Variants in GRID2IP observed in about 807,000 individuals in gnomAD.
The protein encoded by GRID2IP is Grid2 interacting protein.
In GRID2IP, 78 loss-of-function variants were observed where a neutral mutation model predicts 114.3. The ratio of observed to expected loss-of-function variants is 0.68; its 90% CI spans 0.57 to 0.82. GRID2IP has a LOEUF of 0.82. GRID2IP is among the 40% of genes least tolerant of loss of function. The probability of loss-of-function intolerance (pLI) is 0.00; values close to 1 mark genes in which losing one functional copy is unlikely to be tolerated. For missense variants in GRID2IP, 1,727 were observed against 1,678.5 expected (o/e 1.03, Z -0.51); for synonymous variants, 809 against 724.0 (o/e 1.12, Z -1.89).
chr7:6,531,130 G>A, intron 2 of GRID2IP: 1 of 524,316 alleles, frequency 1.9e-6, no homozygotes, highest in Non-Finnish European at 3.4e-6. Context: ...GGCGCGGCAG[G>A]TGCCGAAGGG....
At position 6,510,980 on chromosome 7, in the gene GRID2IP, T is replaced by A; in HGVS notation, c.1483A>T (p.Ser495Cys). ...SEPTPEPQPR[S>C]SLRASSMCRR... is the part of the protein sequence containing the mutation. ...CACATGGAGGAAGCCCGCAGGGAGC[T>A]CCGCGGCTGGGGCTCAGGCGTGGGC... Residue 495 changes from serine (S) to cysteine (C), a missense_variant, in exon 9 of 22, where the codon AGC (serine) becomes TGC (cysteine). By Grantham distance (112) the Ser-to-Cys change is moderately radical. Coordinates refer to ENST00000457091, the MANE Select transcript of GRID2IP (RefSeq NM_001145118.2). The A allele has an allele frequency of 6.5e-7, 1 of 1,542,384 alleles. No individual in the cohort carries two copies. The highest frequency in any genetic ancestry group is 8.8e-7 in the Non-Finnish European group (1 of 1,142,586).
chr7:6,539,819 T>G lies in GRID2IP; in HGVS notation c.483A>C (p.Ala161=). The G allele has an allele frequency of 6.4e-7, 1 of 1,551,184 alleles. No individual in the cohort carries two copies. Residue 161 remains alanine (A), a synonymous_variant, in exon 2 of 22, where the codon GCA becomes GCC. Transcript: ENST00000457091. ...GCTGCTCAGCTGCAAACTGCTTCAG[T>G]GCAGCGAACACCTGCTCCTTGGCAG... ...QPTAKEQVFA[A]LKQFAAEQRV... is the part of the protein sequence containing the mutation.
At chr7:6,530,203 C>T (rs191874415) in intron 2 of GRID2IP, among the ~76,000 whole-genome samples, 47 of 152,114 alleles carry the variant, frequency 3.1e-4, no homozygotes, top group Non-Finnish European at 5.4e-4. Flanking sequence ...CATGATCCGC[C>T]CGCCTCGGCC....
intron 8 of GRID2IP, 151 bp downstream of exon 8, chr7:6,514,224 G>T (rs768033404): frequency 3.1e-5 from 23 of 750,390 alleles, no homozygotes; most frequent in Non-Finnish European, 4.6e-5. Context: ...TTGCACTCCA[G>T]CCTGGGGCAC....
chr7:6,545,657 C>A (rs547226177), intron 1 of GRID2IP, among the ~76,000 whole-genome samples: 1 of 152,226 alleles, frequency 6.6e-6, no homozygotes, highest in African/African-American at 2.4e-5. Context: ...CTGTCTCCCC[C>A]ACCCAGGTGT....
At position 6,539,755 on chromosome 7, in the gene GRID2IP, G is replaced by A. The variant is rs913899095; in HGVS notation, c.547C>T (p.Pro183Ser). The part of the protein sequence containing the change: ...DLVWTLTLAL[P>S]REACGPLLDN... ...AGGAGTGGCCCGCAGGCCTCTCGGG[G>A]CAGCGCCAGGGTGAGAGTCCACACC... Residue 183 changes from proline (P) to serine (S), a missense_variant, in exon 2 of 22, where the codon CCC becomes TCC. Coordinates refer to ENST00000457091, the MANE Select transcript of GRID2IP (RefSeq NM_001145118.2). The A allele has an allele frequency of 3.9e-6, 6 of 1,549,872 alleles. No individual in the cohort carries two copies. In the African/African-American group the frequency reaches 6.9e-5, roughly 18 times the overall value.
At chr7:6,539,550 C>A (rs1036899459) in intron 2 of GRID2IP, among the ~76,000 whole-genome samples, 168 bp downstream of exon 2, 1 of 152,124 alleles carries the variant, frequency 6.6e-6, no homozygotes, top group Non-Finnish European at 1.5e-5. Context: ...GGGTCATTGG[C>A]CTACCCTTGT....
In GRID2IP at chr7:6,521,137, G is replaced by C. The variant is rs1203904145; in HGVS notation, c.1084+292C>G. 6.6e-6 allele frequency among the ~76,000 whole-genome samples: 1 copy of C among 152,052 alleles called. No individual in the cohort carries two copies. The highest frequency in any genetic ancestry group is 2.4e-5 in the African/African-American group (1 of 41,412). On this transcript the variant is annotated intron_variant, in intron 6 of 21. Transcript: ENST00000457091. This position sits in a 1 kb window ranked among gnomAD's most constrained non-coding sequence, Gnocchi z 4.1. The stretch of plus-strand genomic sequence containing the variant: ...AGGCACGTGCCATCACGCCCAGCTA[G>C]TTTTTGTATTTTTAGTAGAGACAGA...
At chr7:6,527,760 A>ATTTT (rs111974045) in intron 2 of GRID2IP, among the ~76,000 whole-genome samples, 2 of 142,280 alleles carry the variant, frequency 1.4e-5, no homozygotes, top group Non-Finnish European at 3.0e-5. Context: ...CACCAGGCTA[A>ATTTT]TTTTTTTTTT....
Position 6,551,033 on chromosome 7 carries a change from C to G in GRID2IP, c.404G>C (p.Arg135Pro), listed in dbSNP as rs1251919996. 8.0e-7 allele frequency: 1 copy of G among 1,247,816 alleles called. No homozygotes were observed. Among genetic ancestry groups the G allele is most frequent in the Non-Finnish European group, 1.0e-6 (1 of 997,518 alleles). 77.3% of individuals were successfully genotyped at this position (1,247,816 alleles called of 1,614,324 possible). ...CTTGCGGCTGAACTCTTGGGCCTTG[C>G]GCCTGCGCTCTCGGTGCACCGCGTC... ...RPDAVHRERR[R>P]KAQEFSRKVD... The change falls in exon 1 of 22, where the codon CGC becomes CCC. Residue 135 changes from arginine (R) to proline (P), a missense_variant. Coordinates refer to ENST00000457091, the MANE Select transcript of GRID2IP (RefSeq NM_001145118.2).
At position 6,519,963 on chromosome 7, in the gene GRID2IP, G is replaced by T. The variant is rs1428374090; in HGVS notation, c.1268+615C>A. Among the ~76,000 whole-genome samples the T allele has an allele frequency of 6.6e-6, 1 of 152,020 alleles. No homozygotes were observed. Among genetic ancestry groups the T allele is most frequent in the Non-Finnish European group, 1.5e-5 (1 of 68,014 alleles). The stretch of plus-strand genomic sequence containing the variant: ...ACAAGTGCCCACAGGTGGGGCTCTG[G>T]TGAAGGTCCCATCAAGAATGCTGCA... On this transcript the variant is annotated intron_variant, in intron 7 of 21. Transcript: ENST00000457091. The surrounding 1 kb of genome is among the most constrained non-coding windows in gnomAD (Gnocchi z 4.1).
chr7:6,533,951 C>T (rs547966933), intron 2 of GRID2IP, among the ~76,000 whole-genome samples: 1 of 152,124 alleles, frequency 6.6e-6, no homozygotes, highest in Non-Finnish European at 1.5e-5. Context: ...CACCCAGTCC[C>T]AATAACTCTA....
At chr7:6,517,348 C>A (rs767241446) in intron 7 of GRID2IP, among the ~76,000 whole-genome samples, 1 of 152,028 alleles carries the variant, frequency 6.6e-6, no homozygotes, top group East Asian at 1.9e-4. Context: ...TGAGCCACCG[C>A]GCCCAGCCGT....
intron 7 of GRID2IP, among the ~76,000 whole-genome samples, chr7:6,518,901 C>T (rs910229395): frequency 7.8e-6 from 1 of 129,008 alleles, no homozygotes. Context: ...AACATGATAT[C>T]AAGCACAGTT....
Position 6,510,931 on chromosome 7 carries a change from C to T in GRID2IP, c.1532G>A (p.Gly511Asp), listed in dbSNP as rs547347484. The change falls in exon 9 of 22, where the codon GGC becomes GAC. Residue 511 changes from glycine (G) to aspartate (D), a missense_variant. Gly to Asp is a moderately conservative substitution (Grantham distance 94). Transcript: ENST00000457091. ...ACCGCAGCTGAGGCCGGCCTCCAGGCCCTGGGACCGGAGGCTGCGGCGGCA... is the reference window on the plus strand; with the variant it reads ...ACCGCAGCTGAGGCCGGCCTCCAGGTCCTGGGACCGGAGGCTGCGGCGGCA... ...SMCRRSLRSQ[G>D]LEAGLSCGPS... The T allele has an allele frequency of 7.1e-6, 11 of 1,549,742 alleles. No individual in the cohort carries two copies. The highest frequency in any genetic ancestry group is 2.4e-5 in the South Asian group (2 of 84,022).
At chr7:6,540,045 C>CTCTTCCTTCCTT (rs1414157706) in intron 1 of GRID2IP, among the ~76,000 whole-genome samples, 173 bp from the exon 2 acceptor site, 4 of 149,616 alleles carry the variant, frequency 2.7e-5, no homozygotes, top group African/African-American at 1.0e-4. Context: ...TTCTCTTTCT[C>CTCTTCCTTCCTT]TCTTCCTTCC....
intron 15 of GRID2IP, among the ~76,000 whole-genome samples, chr7:6,504,211 T>C (rs1456183224): frequency 2.8e-5 from 4 of 143,510 alleles, no homozygotes; most frequent in African/African-American, 1.1e-4. Flanking sequence ...TGGCCGGGGC[T>C]ACTGTGAGGA....
rs141039578 is a variant in GRID2IP, at chr7:6,543,787, T to C, written c.430-3915A>G. 1.4e-3 allele frequency among the ~76,000 whole-genome samples: 206 copies of C among 151,826 alleles called. 1 individual carries two copies. The highest frequency in any genetic ancestry group is 4.7e-3 in the African/African-American group (195 of 41,390). ...ACTGTGCTTGGCTAATTTAATTTAA[T>C]TTTATTATTATTATTATTATTTGAG... On this transcript the variant is annotated intron_variant, in intron 1 of 21. Transcript: ENST00000457091.
intron 8 of GRID2IP, among the ~76,000 whole-genome samples, chr7:6,513,702 C>T (rs935582085): frequency 2.6e-5 from 4 of 152,170 alleles, no homozygotes; most frequent in Admixed American, 6.5e-5. Context: ...CGTGGGGCCA[C>T]GTGTGGGCCT....
Sources: allele counts gnomAD v4.1 joint callset (sites outside exome capture counted in the v4.1 genomes callset), GRCh38; gene constraint gnomAD v4.1.1; non-coding constraint Gnocchi (gnomAD v3.1); transcripts MANE v1.5; gene names NCBI Gene and HGNC (gene_info 2026-07-23, HGNC 2026-07-21).